PHAF1: variants seen among roughly 807,000 people sequenced by gnomAD.
PHAF1 encodes the protein phagosome assembly factor 1.
PHAF1 carries 23 observed loss-of-function variants against 63.1 expected under a neutral mutation model. That is an observed-to-expected ratio of 0.36 (90% CI 0.26 to 0.52). The LOEUF (loss-of-function observed/expected upper bound fraction) is 0.52. Among genes scored for constraint, PHAF1 ranks in the 20% least tolerant of loss-of-function variants. The probability of loss-of-function intolerance (pLI) is 0.93; values close to 1 mark genes in which losing one functional copy is unlikely to be tolerated. For missense variants in PHAF1, 427 were observed against 517.2 expected, an observed-to-expected ratio of 0.83 and a Z score of 1.69; for synonymous variants, 167 against 185.0, an observed-to-expected ratio of 0.90 and a Z score of 0.79.
intron 1 of PHAF1, among the ~76,000 whole-genome samples, chr16:67,115,578 A>G (rs1281105864): frequency 6.6e-6 from 1 of 152,252 alleles, no homozygotes; most frequent in African/African-American, 2.4e-5. Context: ...TTGAGAGGTT[A>G]TAAGCAGGCA....
intron 15 of PHAF1, among the ~76,000 whole-genome samples, chr16:67,146,796 C>T (rs2030127200): frequency 6.6e-6 from 1 of 152,156 alleles, no homozygotes; most frequent in Admixed American, 6.5e-5. Context: ...GATGCAGTAT[C>T]TCCAGCAGAC....
chr16:67,138,715 A>G (rs1257414364), intron 8 of PHAF1, among the ~76,000 whole-genome samples: 1 of 152,220 alleles, frequency 6.6e-6, no homozygotes, highest in Non-Finnish European at 1.5e-5. Context: ...CAAAGAATAA[A>G]CTTTTGGCAA....
rs1045080069 is a variant in PHAF1 at position 67,147,755 on chromosome 16, C to G, written c.*624C>G. 6.5e-6 allele frequency: 1 copy of G among 152,908 alleles called. No individual in the cohort carries two copies. Among genetic ancestry groups the G allele is most frequent in the African/African-American group, 2.4e-5 (1 of 41,484 alleles). The allele number at this position is 152,908 out of a possible 1,614,324, so 9.5% of individuals were successfully genotyped here. ...ACATGCCCAGGCCTGGTTCTCACCC[C>G]TGTTGGAGTCAGCTTTCAAGATTGC... On this transcript the variant is annotated 3_prime_UTR_variant, in exon 16 of 16. Coordinates refer to ENST00000219139, the MANE Select transcript of PHAF1 (RefSeq NM_025187.5).
intron 8 of PHAF1, chr16:67,139,571 A>G (rs1302570150): frequency 6.0e-6 from 1 of 167,954 alleles, no homozygotes; most frequent in South Asian, 1.5e-4. Context: ...GCTGGTGTCA[A>G]ACTCTGAGCT....
In PHAF1 at chr16:67,145,629, G is replaced by C; in HGVS notation, c.1109+1G>C. On this transcript the variant is annotated splice_donor_variant, in intron 14 of 15. Transcript: ENST00000219139. LOFTEE classifies it high-confidence loss of function. ...TGGAGAAGCCTGTTGTCCTGCACAG[G>C]TGAGTGGGAGTTTGATGTCCCCGGC... The C allele has an allele frequency of 6.2e-7, 1 of 1,611,328 alleles. No homozygotes were observed. Among genetic ancestry groups the C allele is most frequent in the Non-Finnish European group, 8.5e-7 (1 of 1,179,026 alleles).
chr16:67,145,643 G>A lies in PHAF1; in HGVS notation c.1109+15G>A. On this transcript the variant is annotated intron_variant, in intron 14 of 15. Coordinates refer to ENST00000219139, the MANE Select transcript of PHAF1 (RefSeq NM_025187.5). ...GTCCTGCACAGGTGAGTGGGAGTTTGATGTCCCCGGCCACCCCACCTGACT... is the reference window on the plus strand; with the variant it reads ...GTCCTGCACAGGTGAGTGGGAGTTTAATGTCCCCGGCCACCCCACCTGACT... The A allele has an allele frequency of 6.2e-7, 1 of 1,607,868 alleles. No individual in the cohort carries two copies. The highest frequency in any genetic ancestry group is 8.5e-7 in the Non-Finnish European group (1 of 1,177,428).
intron 8 of PHAF1, among the ~76,000 whole-genome samples, chr16:67,139,289 C>T (rs1203413001): frequency 1.3e-5 from 2 of 149,828 alleles, no homozygotes; most frequent in Non-Finnish European, 3.0e-5. Flanking sequence ...TTAAGGTCTT[C>T]TCCAGCACAC....
In PHAF1 at chr16:67,130,645, G is replaced by A. The variant is rs910098011; in HGVS notation, c.232-641G>A. On this transcript the variant is annotated intron_variant, in intron 3 of 15. Transcript: ENST00000219139. ...ATTATAGGCGTGAGCCACCGTGCCC[G>A]GCTAAAATAAGCTATTTTCTAAAGC... 5.9e-5 allele frequency among the ~76,000 whole-genome samples: 9 copies of A among 152,304 alleles called. No homozygotes were observed. In the East Asian group the frequency reaches 1.2e-3, roughly 20 times the overall value.
intron 12 of PHAF1, 152 bp from the exon 13 acceptor site, chr16:67,145,224 C>A: frequency 1.2e-6 from 1 of 855,534 alleles, no homozygotes; most frequent in Non-Finnish European, 1.9e-6. Flanking sequence ...CCTCCATCCT[C>A]TTCCACCCTG....
At chr16:67,118,656 A>G (rs924568544) in intron 1 of PHAF1, among the ~76,000 whole-genome samples, 2 of 152,008 alleles carry the variant, frequency 1.3e-5, no homozygotes, top group African/African-American at 4.8e-5. Context: ...TTTTTAAATT[A>G]AATAAAAAAT....
chr16:67,114,985 G>A (rs1962680187), intron 1 of PHAF1, among the ~76,000 whole-genome samples: 1 of 152,218 alleles, frequency 6.6e-6, no homozygotes, highest in South Asian at 2.1e-4. Context: ...ATGGAGATAT[G>A]AGTCAGAAAC....
chr16:67,134,834 C>A, intron 8 of PHAF1: 1 of 404,618 alleles, frequency 2.5e-6, no homozygotes. Context: ...AAAGCCCTGA[C>A]CTTCTAATAC....
At chr16:67,121,270 G>A (rs529541976) in intron 2 of PHAF1, among the ~76,000 whole-genome samples, 1 of 150,046 alleles carries the variant, frequency 6.7e-6, no homozygotes, top group African/African-American at 2.5e-5. Flanking sequence ...GCTCACTGCA[G>A]GCTCCGCCTC....
At chr16:67,110,819 CTTTTTTTTT>C (rs971177533) in intron 1 of PHAF1, among the ~76,000 whole-genome samples, 5 of 150,900 alleles carry the variant, frequency 3.3e-5, no homozygotes, top group Admixed American at 6.6e-5. Context: ...TCTTTTTTTT[CTTTTTTTTT>C]GAGACGAAGT....
rs75001741 is a variant in PHAF1, at chr16:67,131,378, C to T, written c.275+49C>T. On this transcript the variant is annotated intron_variant, in intron 4 of 15. Coordinates refer to ENST00000219139, the MANE Select transcript of PHAF1 (RefSeq NM_025187.5). ...TATGTCACACTTGGTATAGACAGGC[C>T]ATATCTACTATCTTCATAAGTTAGT... 5,367 of 1,284,460 alleles carry T rather than the reference C, an allele frequency of 4.2e-3. 188 individuals are homozygous for T. In the African/African-American group the frequency reaches 0.071, roughly 17 times the overall value. The allele number at this position is 1,284,460 out of a possible 1,614,324, so 79.6% of individuals were successfully genotyped here.
chr16:67,146,027 C>G (rs1040198880), intron 14 of PHAF1, among the ~76,000 whole-genome samples: 1 of 152,126 alleles, frequency 6.6e-6, no homozygotes, highest in Non-Finnish European at 1.5e-5. Flanking sequence ...AGAGGGCCCT[C>G]TTGACTCCTC....
chr16:67,128,089 A>G lies in PHAF1; in HGVS notation c.231+2047A>G, dbSNP rs1231781899. On this transcript the variant is annotated intron_variant, in intron 3 of 15. Coordinates refer to ENST00000219139, the MANE Select transcript of PHAF1 (RefSeq NM_025187.5). Reference sequence around the variant, plus strand: ...TGTTTCACATGCGTTTTCTAGTTTAATCCTAACCCGCCTGTGAAGTAGGTA... The same window carrying G: ...TGTTTCACATGCGTTTTCTAGTTTAGTCCTAACCCGCCTGTGAAGTAGGTA... Among the ~76,000 whole-genome samples, 5 of 39,888 alleles carry G rather than the reference A, an allele frequency of 1.3e-4. 1 individual carries two copies. The highest frequency in any genetic ancestry group is 2.2e-4 in the Non-Finnish European group (5 of 22,418). The allele number at this position is 39,888 out of a possible 152,430, so 26.2% of individuals were successfully genotyped here. A position where few individuals can be genotyped will look rare whatever the true frequency, so the allele number is the denominator to read the frequency against.
intron 1 of PHAF1, among the ~76,000 whole-genome samples, chr16:67,118,467 G>T (rs912364683): frequency 2.0e-5 from 3 of 150,366 alleles, no homozygotes; most frequent in Non-Finnish European, 4.4e-5. Flanking sequence ...CTCCAGAGTA[G>T]CTGGGACTAC....
intron 10 of PHAF1, among the ~76,000 whole-genome samples, chr16:67,142,573 C>T (rs976608786): frequency 4.6e-5 from 7 of 152,186 alleles, no homozygotes; most frequent in African/African-American, 9.7e-5. Context: ...CCAACCAGGT[C>T]GTGACAGCGC....
Sources: allele counts gnomAD v4.1 joint callset (sites outside exome capture counted in the v4.1 genomes callset), GRCh38; gene constraint gnomAD v4.1.1; transcripts MANE v1.5; gene names NCBI Gene and HGNC (gene_info 2026-07-23, HGNC 2026-07-21).